HIVEP1: variants seen among roughly 807,000 people sequenced by gnomAD.
HIVEP1 encodes the protein zinc finger protein 40.
A neutral mutation model predicts 180.0 loss-of-function variants in HIVEP1; 36 were observed. The ratio of observed to expected loss-of-function variants is 0.20; its 90% CI spans 0.15 to 0.26. The LOEUF is 0.26. HIVEP1 is among the 10% of genes least tolerant of loss of function. The pLI, the probability that HIVEP1 is intolerant of heterozygous loss-of-function variation, is 1.00. For synonymous variants in HIVEP1, 1,239 were observed against 1,239.0 expected (o/e 1.00, Z 0.00); for missense variants, 3,143 against 3,268.7 (o/e 0.96, Z 0.94).
chr6:12,085,109 A>G (rs1773033994), intron 2 of HIVEP1, among the ~76,000 whole-genome samples: 3 of 152,108 alleles, frequency 2.0e-5, no homozygotes, highest in Admixed American at 1.3e-4. Flanking sequence ...CAGTGTTTAT[A>G]TGATCAGTAA....
intron 3 of HIVEP1, among the ~76,000 whole-genome samples, chr6:12,092,638 C>G (rs180767089): frequency 3.3e-5 from 5 of 152,246 alleles, no homozygotes; most frequent in African/African-American, 1.2e-4. Context: ...TTCCCACTAT[C>G]AGTGTCCAAG....
chr6:12,165,169 A>C (rs1562022176), downstream of HIVEP1: 1 of 504,302 alleles, frequency 2.0e-6, no homozygotes, highest in African/African-American at 2.0e-5. Flanking sequence ...AAATCCATAC[A>C]ACTGATTGAC....
At chr6:12,165,409 G>T (rs556127275), downstream of HIVEP1, among the ~76,000 whole-genome samples, 24 of 152,236 alleles carry the variant, frequency 1.6e-4, no homozygotes, top group African/African-American at 5.5e-4. Context: ...ATCCATTCGT[G>T]GGCTATGGGC....
chr6:12,153,790 G>A (rs1759850452), intron 7 of HIVEP1, among the ~76,000 whole-genome samples: 1 of 152,088 alleles, frequency 6.6e-6, no homozygotes, highest in South Asian at 2.1e-4. Flanking sequence ...TGACTATGGG[G>A]CTAATAGGGA....
At chr6:12,195,513 C>A in the HIVEP1 span, among the ~76,000 whole-genome samples, 1 of 152,142 alleles carries the variant, frequency 6.6e-6, no homozygotes, top group East Asian at 1.9e-4. Flanking sequence ...GCCAGGATTC[C>A]TCTACAATTT....
chr6:12,054,240 G>A (rs773210702), intron 2 of HIVEP1, among the ~76,000 whole-genome samples: 2 of 152,156 alleles, frequency 1.3e-5, no homozygotes, highest in Non-Finnish European at 2.9e-5. Flanking sequence ...TTATGCTGTG[G>A]AAACTATGGT....
the HIVEP1 span, among the ~76,000 whole-genome samples, chr6:12,190,969 A>G: frequency 6.6e-6 from 1 of 152,190 alleles, no homozygotes; most frequent in African/African-American, 2.4e-5. Context: ...CAAGATGCCA[A>G]ATATTTTCTA....
chr6:12,048,049 T>G (rs1770251918), intron 2 of HIVEP1, among the ~76,000 whole-genome samples: 1 of 152,266 alleles, frequency 6.6e-6, no homozygotes, highest in African/African-American at 2.4e-5. Context: ...GCAGGTAGGA[T>G]GCATCTGGAC....
At chr6:12,170,578 A>G in the HIVEP1 span, among the ~76,000 whole-genome samples, 2 of 152,224 alleles carry the variant, frequency 1.3e-5, no homozygotes, top group Admixed American at 1.3e-4. Context: ...ATGCAACAGC[A>G]TAACACATAA....
Position 12,129,853 on chromosome 6 carries a change from T to A in HIVEP1, c.6170T>A (p.Ile2057Asn), listed in dbSNP as rs1430790362. 2 of 1,578,216 alleles carry A rather than the reference T, an allele frequency of 1.3e-6. No individual in the cohort carries two copies. The highest frequency in any genetic ancestry group is 1.7e-6 in the Non-Finnish European group (2 of 1,149,346). The part of the protein sequence containing the change: ...NSEQDKENSL[I>N]KSEPRRIKIF... ...GAGCAAGATAAAGAAAATTCCTTAA[T>A]CAAAAGTGAACCAAGAAGAATTAAA... is the stretch of plus-strand genomic sequence containing the variant. The change falls in exon 5 of 9, where the codon ATC (isoleucine) becomes AAC (asparagine). Residue 2057 changes from isoleucine to asparagine, a missense_variant. By Grantham distance (149) the Ile-to-Asn change is moderately radical (BLOSUM62 -3). Coordinates refer to ENST00000379388, the MANE Select transcript of HIVEP1 (RefSeq NM_002114.4).
chr6:12,018,988 AAG>A (rs1768013032), intron 2 of HIVEP1, among the ~76,000 whole-genome samples: 1 of 152,206 alleles, frequency 6.6e-6, no homozygotes, highest in Non-Finnish European at 1.5e-5. Context: ...AAAGTTTTCA[AAG>A]AGAACTTGGA....
chr6:12,203,131 A>G, the HIVEP1 span, among the ~76,000 whole-genome samples: 2 of 152,196 alleles, frequency 1.3e-5, no homozygotes, highest in African/African-American at 4.8e-5. Flanking sequence ...AAGTGTCTCC[A>G]TCTTGCCCTG....
chr6:12,134,969 A>G (rs1001775801), intron 6 of HIVEP1, among the ~76,000 whole-genome samples: 10 of 152,246 alleles, frequency 6.6e-5, no homozygotes, highest in African/African-American at 2.4e-4. Flanking sequence ...GTCAAGCTTG[A>G]AACTTTAAAA....
rs1393395079 is a variant in HIVEP1 at position 12,124,922 on chromosome 6, T to G, written c.5127T>G (p.Val1709=). ...NPEKEFLCEN[V]FSEMSQNSSL... The stretch of plus-strand genomic sequence containing the variant: ...AGAAGGAATTTCTATGTGAAAATGT[T>G]TTTTCAGAGATGAGCCAAAATTCTT... The change falls in exon 4 of 9, where the codon GTT becomes GTG. Residue 1709 remains valine, a synonymous_variant. Coordinates refer to ENST00000379388, the MANE Select transcript of HIVEP1 (RefSeq NM_002114.4). The G allele has an allele frequency of 1.9e-6, 3 of 1,613,992 alleles. No homozygotes were observed. Among genetic ancestry groups the G allele is most frequent in the Non-Finnish European group, 2.5e-6 (3 of 1,179,944 alleles).
chr6:12,115,290 TAA>T (rs1290661837), intron 3 of HIVEP1, among the ~76,000 whole-genome samples: 1 of 148,020 alleles, frequency 6.8e-6, no homozygotes, highest in East Asian at 2.0e-4. Flanking sequence ...CCTTGGAAAA[TAA>T]AGTGTCAGTG....
At chr6:12,092,878 G>A (rs949396733) in intron 3 of HIVEP1, among the ~76,000 whole-genome samples, 11 of 152,184 alleles carry the variant, frequency 7.2e-5, no homozygotes, top group African/African-American at 2.2e-4. Context: ...GCCGAGCAGT[G>A]TGAGCAGCAA....
rs1415608031 is a variant in HIVEP1 at position 12,121,496 on chromosome 6, T to C, written c.1701T>C (p.His567=). 3 of 1,614,080 alleles carry C rather than the reference T, an allele frequency of 1.9e-6. No homozygotes were observed. The highest frequency in any genetic ancestry group is 2.5e-6 in the Non-Finnish European group (3 of 1,180,042). ...AGTTACCGAAAGTTGTGGTCCACCA[T>C]GTCACTGTGTCCCCCTTAAGAACTG... ...VTELPKVVVH[H]VTVSPLRTDS... Residue 567 remains histidine, a synonymous_variant, in exon 4 of 9, where the codon CAT becomes CAC. Coordinates refer to ENST00000379388, the MANE Select transcript of HIVEP1 (RefSeq NM_002114.4). The surrounding 1 kb of genome is among the most constrained non-coding windows in gnomAD (Gnocchi z 5.3).
At chr6:12,196,169 A>C in the HIVEP1 span, among the ~76,000 whole-genome samples, 1 of 152,208 alleles carries the variant, frequency 6.6e-6, no homozygotes, top group Non-Finnish European at 1.5e-5. Flanking sequence ...AGTGACTTGG[A>C]GAAAATAATA....
chr6:12,098,313 C>A (rs925078271), intron 3 of HIVEP1, among the ~76,000 whole-genome samples: 1 of 151,920 alleles, frequency 6.6e-6, no homozygotes, highest in Non-Finnish European at 1.5e-5. Context: ...TGACAGAATC[C>A]CTGAGGACTG....
Sources: allele counts gnomAD v4.1 joint callset (sites outside exome capture counted in the v4.1 genomes callset), GRCh38; gene constraint gnomAD v4.1.1; non-coding constraint Gnocchi (gnomAD v3.1); transcripts MANE v1.5; gene names NCBI Gene and HGNC (gene_info 2026-07-23, HGNC 2026-07-21).